LSS: variants seen among roughly 807,000 people sequenced by gnomAD.
LSS encodes the protein lanosterol synthase.
LSS carries 90 observed loss-of-function variants against 110.3 expected under a neutral mutation model. The observed-to-expected ratio is 0.82, with a 90% CI of 0.69 to 0.97. The LOEUF is 0.97. Among genes scored for constraint, LSS ranks in the 50% least tolerant of loss-of-function variants. LSS has a pLI of 0.00. For missense variants in LSS, 927 were observed against 990.0 expected, an observed-to-expected ratio of 0.94 and a Z score of 0.85; for synonymous variants, 433 against 400.0, an observed-to-expected ratio of 1.08 and a Z score of -0.98.
chr21:46,218,153 G>A (rs1316016387), intron 6 of LSS, among the ~76,000 whole-genome samples: 1 of 115,070 alleles, frequency 8.7e-6, no homozygotes, highest in East Asian at 2.4e-4. Flanking sequence ...CCCCAGCCCT[G>A]CTGATAGCTC....
chr21:46,220,085 T>C (rs941935658), intron 5 of LSS, among the ~76,000 whole-genome samples: 4 of 152,202 alleles, frequency 2.6e-5, no homozygotes, highest in Non-Finnish European at 4.4e-5. Flanking sequence ...TCCGGCACGC[T>C]GGCCCCATGC....
At chr21:46,200,122 T>G in intron 17 of LSS, among the ~76,000 whole-genome samples, 1 of 152,196 alleles carries the variant, frequency 6.6e-6, no homozygotes, top group East Asian at 1.9e-4. Flanking sequence ...TTTTTAAAAG[T>G]TTAGCAAAAT....
intron 13 of LSS, 29 bp from the exon 14 acceptor site, chr21:46,208,330 G>A: frequency 6.5e-7 from 1 of 1,546,076 alleles, no homozygotes; most frequent in Non-Finnish European, 8.8e-7. Flanking sequence ...AAATGTGGAA[G>A]CAGAGAACAC....
At position 46,216,993 on chromosome 21, in the gene LSS, C is replaced by T. The variant is rs1477168338; in HGVS notation, c.648-469G>A. Reference sequence around the variant, plus strand: ...GGGGCACGGTGGCTCACGCCTGTAACCCTAGCACTTTGGGAGGCCGAGGCT... The same window carrying T: ...GGGGCACGGTGGCTCACGCCTGTAATCCTAGCACTTTGGGAGGCCGAGGCT... On this transcript the variant is annotated intron_variant, in intron 6 of 21. Transcript: ENST00000397728. This position sits in a 1 kb window ranked among gnomAD's most constrained non-coding sequence, Gnocchi z 4.2. Among the ~76,000 whole-genome samples the T allele has an allele frequency of 1.3e-5, 2 of 152,108 alleles. No individual in the cohort carries two copies. Among genetic ancestry groups the T allele is most frequent in the African/African-American group, 4.8e-5 (2 of 41,520 alleles).
At chr21:46,210,656 C>T in intron 12 of LSS, 32 bp downstream of exon 12, 1 of 1,611,810 alleles carries the variant, frequency 6.2e-7, no homozygotes, top group Non-Finnish European at 8.5e-7. Flanking sequence ...GGAAGGTCAG[C>T]TGAGGCTGAG....
At chr21:46,207,100 C>A (rs2080059587) in intron 15 of LSS, among the ~76,000 whole-genome samples, 1 of 152,220 alleles carries the variant, frequency 6.6e-6, no homozygotes, top group Non-Finnish European at 1.5e-5. Flanking sequence ...GGATGTGGCA[C>A]CAAAACCAAC....
rs375002255 is a variant in LSS at position 46,213,730 on chromosome 21, A to C, written c.1109+8T>G. On this transcript the variant is annotated splice_region_variant and intron_variant, in intron 10 of 21. Transcript: ENST00000397728. Reference sequence around the variant, plus strand: ...GAGGCCCCGCCAGCATATCCCAGCCACACTCACCAGAGATAGTCCGGGATT... The same window carrying C: ...GAGGCCCCGCCAGCATATCCCAGCCCCACTCACCAGAGATAGTCCGGGATT... The C allele has an allele frequency of 6.2e-6, 10 of 1,611,848 alleles. No individual in the cohort carries two copies. The African/African-American group carries it at 8.0e-5, about 13-fold the overall frequency.
At position 46,213,733 on chromosome 21, in the gene LSS, C is replaced by T. The variant is rs1309317375; in HGVS notation, c.1109+5G>A. On this transcript the variant is annotated splice_donor_5th_base_variant and intron_variant, in intron 10 of 21. Coordinates refer to ENST00000397728, the MANE Select transcript of LSS (RefSeq NM_002340.6). The stretch of plus-strand genomic sequence containing the variant: ...GCCCCGCCAGCATATCCCAGCCACA[C>T]TCACCAGAGATAGTCCGGGATTCTG... 28 of 1,612,656 alleles carry T rather than the reference C, an allele frequency of 1.7e-5. No individual in the cohort carries two copies. The highest frequency in any genetic ancestry group is 2.2e-5 in the Non-Finnish European group (26 of 1,179,172).
chr21:46,192,162 G>A lies in LSS; in HGVS notation c.1989-203C>T, dbSNP rs2839138. ...CTTCTTCCTAGGCTCCCTGAGAAGC[G>A]GAGCCACAGCAATGACAGGCTGGGG... On this transcript the variant is annotated intron_variant, in intron 20 of 21. Coordinates refer to ENST00000397728, the MANE Select transcript of LSS (RefSeq NM_002340.6). 2.6e-4 allele frequency: 159 copies of A among 616,596 alleles called. 3 individuals are homozygous for A. Among genetic ancestry groups the A allele is most frequent in the South Asian group, 2.5e-3 (133 of 53,010 alleles). 38.2% of individuals were successfully genotyped at this position (616,596 alleles called of 1,614,324 possible). A position where few individuals can be genotyped will look rare whatever the true frequency, so the allele number is the denominator to read the frequency against.
intron 6 of LSS, among the ~76,000 whole-genome samples, chr21:46,218,312 T>G (rs2080232724): frequency 7.8e-6 from 1 of 127,958 alleles, no homozygotes; most frequent in African/African-American, 3.0e-5. Context: ...CTGCTTTCAA[T>G]AGATAGCCAT....
intron 14 of LSS, 129 bp downstream of exon 14, chr21:46,208,122 C>G: frequency 7.6e-6 from 6 of 792,772 alleles, no homozygotes; most frequent in South Asian, 3.2e-5. Flanking sequence ...TCCACCACAG[C>G]AGGACACCCA....
Position 46,205,955 on chromosome 21 carries a change from G to A in LSS, c.1565-14C>T, listed in dbSNP as rs371188669. The A allele has an allele frequency of 1.1e-5, 18 of 1,579,982 alleles. No individual in the cohort carries two copies. The highest frequency in any genetic ancestry group is 1.5e-5 in the Non-Finnish European group (17 of 1,156,718). On this transcript the variant is annotated splice_polypyrimidine_tract_variant and intron_variant, in intron 16 of 21. Coordinates refer to ENST00000397728, the MANE Select transcript of LSS (RefSeq NM_002340.6). ...TCATGATGTCCCCTGGGAAAGGGAGGGAAGAACCAAGTGTTGGGTTTCACC... is the reference window on the plus strand; with the variant it reads ...TCATGATGTCCCCTGGGAAAGGGAGAGAAGAACCAAGTGTTGGGTTTCACC...
chr21:46,196,447 C>T (rs1045184167), intron 17 of LSS, 180 bp from the exon 18 acceptor site: 8 of 595,148 alleles, frequency 1.3e-5, no homozygotes, highest in Non-Finnish European at 2.1e-5. Context: ...GACACCAGAG[C>T]GGGAAGCGGA....
chr21:46,214,237 A>G (rs1195765832), intron 9 of LSS, among the ~76,000 whole-genome samples: 2 of 152,258 alleles, frequency 1.3e-5, no homozygotes, highest in Non-Finnish European at 2.9e-5. Flanking sequence ...AGTAGGGACC[A>G]CTTGCCCCCC....
rs999748156 is a variant in LSS at position 46,190,745 on chromosome 21, T to C, written c.*359A>G. 1.2e-5 allele frequency: 3 copies of C among 249,336 alleles called. No homozygotes were observed. Among genetic ancestry groups the C allele is most frequent in the Non-Finnish European group, 2.3e-5 (3 of 128,778 alleles). The allele number at this position is 249,336 out of a possible 1,614,324, so 15.4% of individuals were successfully genotyped here. ...TAAGGAATCACACAGGCACAGCTGC[T>C]CCTCTCCCAAGAACTCAGCTATTGG... On this transcript the variant is annotated 3_prime_UTR_variant, in exon 22 of 22. Transcript: ENST00000397728. This position sits in a 1 kb window ranked among gnomAD's most constrained non-coding sequence, Gnocchi z 4.6.
chr21:46,193,242 G>A, intron 20 of LSS: 1 of 378,728 alleles, frequency 2.6e-6, no homozygotes, highest in Admixed American at 2.8e-5. Flanking sequence ...AGGTGCCTGT[G>A]CATGCGTATG....
chr21:46,211,831 G>A (rs758621145), intron 11 of LSS, among the ~76,000 whole-genome samples: 13 of 152,306 alleles, frequency 8.5e-5, no homozygotes, highest in South Asian at 4.1e-4. Flanking sequence ...AAGAGACCAC[G>A]AGAGACGGCT....
chr21:46,225,220 G>T (rs1226055054), intron 3 of LSS: 2 of 229,916 alleles, frequency 8.7e-6, no homozygotes, highest in Non-Finnish European at 1.8e-5. Flanking sequence ...CATAACCTAG[G>T]AAAAACCAGG....
Position 46,210,696 on chromosome 21 carries a change from G to A in LSS, c.1186C>T (p.Leu396=). The change falls in exon 12 of 22, where the codon CTG becomes TTG. Residue 396 remains leucine, a synonymous_variant. Coordinates refer to ENST00000397728, the MANE Select transcript of LSS (RefSeq NM_002340.6). ...IWDTAFAIQA[L]LEAGGHHRPE... ...GAGAAGGAGCCACGAACCTCAAGCA[G>A]AGCCTGGATGGCGAATGCGGTGTCC... 1 of 1,614,000 alleles carries A rather than the reference G, an allele frequency of 6.2e-7. No homozygotes were observed.
Sources: allele counts gnomAD v4.1 joint callset (sites outside exome capture counted in the v4.1 genomes callset), GRCh38; gene constraint gnomAD v4.1.1; non-coding constraint Gnocchi (gnomAD v3.1); transcripts MANE v1.5; gene names NCBI Gene and HGNC (gene_info 2026-07-23, HGNC 2026-07-21).